Variants in CTNNA3 observed in about 807,000 individuals in gnomAD.
CTNNA3 encodes the protein catenin alpha 3.
CTNNA3 carries 76 observed loss-of-function variants against 95.7 expected under a neutral mutation model. The ratio of observed to expected loss-of-function variants is 0.79; its 90% CI spans 0.66 to 0.96. The LOEUF (loss-of-function observed/expected upper bound fraction) is 0.96, where lower values mean the gene tolerates loss of function less well. CTNNA3 is among the 40% of genes least tolerant of loss of function. The pLI, the probability that CTNNA3 is intolerant of heterozygous loss-of-function variation, is 0.00. For missense variants in CTNNA3, 1,191 were observed against 1,089.8 expected (o/e 1.09, Z -1.31); for synonymous variants, 431 against 374.4 (o/e 1.15, Z -1.74).
chr10:66,583,828 T>C (rs545395354), intron 10 of CTNNA3, among the ~76,000 whole-genome samples: 39 of 152,038 alleles, frequency 2.6e-4, no homozygotes, highest in Non-Finnish European at 5.5e-4. Flanking sequence ...ACTATAAACT[T>C]TCCTCTTAGC....
chr10:67,231,718 A>G (rs1448911150), intron 5 of CTNNA3, among the ~76,000 whole-genome samples: 1 of 152,096 alleles, frequency 6.6e-6, no homozygotes, highest in Non-Finnish European at 1.5e-5. Context: ...ACTCCGAGCT[A>G]CAGGAGGACA....
At chr10:66,781,562 G>A (rs1325757838) in intron 7 of CTNNA3, among the ~76,000 whole-genome samples, 4 of 152,140 alleles carry the variant, frequency 2.6e-5, no homozygotes, top group Non-Finnish European at 4.4e-5. Context: ...TCTATAATGT[G>A]AAAATACAAC....
intron 14 of CTNNA3, among the ~76,000 whole-genome samples, chr10:66,089,132 A>T (rs1048172606): frequency 6.6e-6 from 1 of 151,740 alleles, no homozygotes; most frequent in African/African-American, 2.4e-5. Context: ...TTGGTATCAC[A>T]TTTGGAACAT....
chr10:66,773,597 C>T (rs990066900), intron 8 of CTNNA3, among the ~76,000 whole-genome samples: 2 of 152,158 alleles, frequency 1.3e-5, no homozygotes, highest in African/African-American at 4.8e-5. Context: ...GAAAACGGTA[C>T]AGAAAATGGC....
chr10:67,662,071 G>T (rs960953560), intron 1 of CTNNA3, among the ~76,000 whole-genome samples: 1 of 152,102 alleles, frequency 6.6e-6, no homozygotes, highest in Non-Finnish European at 1.5e-5. Context: ...TGTCCATATA[G>T]ATACCTGTAT....
At chr10:67,335,886 G>GT (rs1350953222) in intron 5 of CTNNA3, among the ~76,000 whole-genome samples, 1,955 of 146,934 alleles carry the variant, frequency 0.013, 40 homozygotes, top group African/African-American at 0.043. Context: ...CACAAATAGT[G>GT]TTTTTTTTTT....
chr10:67,586,046 A>T (rs1363930975), intron 3 of CTNNA3, among the ~76,000 whole-genome samples: 1 of 152,146 alleles, frequency 6.6e-6, no homozygotes, highest in Non-Finnish European at 1.5e-5. Context: ...TGTTTCAAAA[A>T]AATTTTTATT....
At chr10:67,121,014 A>G (rs1257110245) in intron 7 of CTNNA3, among the ~76,000 whole-genome samples, 1 of 152,122 alleles carries the variant, frequency 6.6e-6, no homozygotes, top group East Asian at 1.9e-4. Flanking sequence ...TTGTCATTGT[A>G]TCTCTTTCAA....
At chr10:67,051,231 C>T (rs1351050825) in intron 7 of CTNNA3, among the ~76,000 whole-genome samples, 5 of 152,202 alleles carry the variant, frequency 3.3e-5, no homozygotes, top group Non-Finnish European at 7.4e-5. Flanking sequence ...AAAATGAAGA[C>T]GTGAACTAAA....
intron 11 of CTNNA3, among the ~76,000 whole-genome samples, chr10:66,400,679 A>C (rs1310174427): frequency 1.3e-5 from 2 of 152,228 alleles, no homozygotes; most frequent in Admixed American, 6.6e-5. Flanking sequence ...GCTATAATAT[A>C]AACTTGTCTC....
At chr10:67,724,198 T>C (rs1490282052) in intron 1 of CTNNA3, among the ~76,000 whole-genome samples, 2 of 152,194 alleles carry the variant, frequency 1.3e-5, no homozygotes, top group East Asian at 3.9e-4. Context: ...CTCTGGCTCT[T>C]GCTTTTAAGG....
At chr10:67,207,420 G>A (rs1863951556) in intron 6 of CTNNA3, among the ~76,000 whole-genome samples, 1 of 152,006 alleles carries the variant, frequency 6.6e-6, no homozygotes, top group Non-Finnish European at 1.5e-5. Flanking sequence ...ATTTCAGATA[G>A]AACTTTATAA....
chr10:67,067,244 T>C (rs1856149252), intron 7 of CTNNA3, among the ~76,000 whole-genome samples: 1 of 152,228 alleles, frequency 6.6e-6, no homozygotes, highest in East Asian at 1.9e-4. Context: ...TATATTTATA[T>C]ATTTGTCTGT....
At chr10:66,634,835 T>C (rs1845280876) in intron 9 of CTNNA3, among the ~76,000 whole-genome samples, 1 of 152,054 alleles carries the variant, frequency 6.6e-6, no homozygotes, top group African/African-American at 2.4e-5. Context: ...CGTCAGAATG[T>C]GCCATCACAA....
At chr10:67,559,747 T>C (rs1363392453) in intron 3 of CTNNA3, among the ~76,000 whole-genome samples, 3 of 152,072 alleles carry the variant, frequency 2.0e-5, no homozygotes, top group African/African-American at 4.8e-5. Flanking sequence ...GAAAAAAATA[T>C]AGACGAATGT....
chr10:67,706,452 A>G (rs1003607309), intron 1 of CTNNA3, among the ~76,000 whole-genome samples: 1 of 152,140 alleles, frequency 6.6e-6, no homozygotes, highest in African/African-American at 2.4e-5. Flanking sequence ...TATACCAGCC[A>G]TAATATTAGA....
At chr10:66,157,362 T>C (rs748309698) in intron 13 of CTNNA3, among the ~76,000 whole-genome samples, 67 of 151,960 alleles carry the variant, frequency 4.4e-4, no homozygotes, top group Non-Finnish European at 5.3e-4. Context: ...TCACTGAAAA[T>C]GCTGTTAATT....
At chr10:66,402,452 C>T (rs2456745) in intron 11 of CTNNA3, among the ~76,000 whole-genome samples, 55,644 of 152,022 alleles carry the variant, frequency 0.37, 12,439 homozygotes, top group African/African-American at 0.62. Flanking sequence ...GAACCAATAT[C>T]ATACATTGGC....
chr10:66,805,517 A>G (rs1362034340), intron 7 of CTNNA3, among the ~76,000 whole-genome samples: 1 of 149,490 alleles, frequency 6.7e-6, no homozygotes, highest in Admixed American at 6.7e-5. Flanking sequence ...ACATATATAT[A>G]TATATTATCC....
Sources: gnomAD v4.1 joint callset for allele counts (sites outside exome capture counted in the v4.1 genomes callset) on GRCh38, gnomAD v4.1.1 for gene constraint, MANE v1.5 for transcripts, NCBI Gene and HGNC (gene_info 2026-07-23, HGNC 2026-07-21) for gene names.